Variants in NALF1 observed in about 807,000 individuals in gnomAD.
NALF1 encodes NALCN channel auxiliary factor 1.
In NALF1, 3 loss-of-function variants were observed where a neutral mutation model predicts 48.4. The observed-to-expected ratio is 0.06, with a 90% confidence interval of 0.03 to 0.16. The LOEUF (loss-of-function observed/expected upper bound fraction) is 0.16, where lower values mean the gene tolerates loss of function less well. NALF1 is among the 10% of genes least tolerant of loss of function. The probability of loss-of-function intolerance (pLI) is 1.00; values close to 1 mark genes in which losing one functional copy is unlikely to be tolerated. For synonymous variants in NALF1, 262 were observed against 245.7 expected, an observed-to-expected ratio of 1.07 and a Z score of -0.62; for missense variants, 526 against 571.5, an observed-to-expected ratio of 0.92 and a Z score of 0.81.
chr13:107,826,007 T>C (rs1879504898), intron 1 of NALF1, among the ~76,000 whole-genome samples: 1 of 152,172 alleles, frequency 6.6e-6, no homozygotes, highest in African/African-American at 2.4e-5. Flanking sequence ...CCTCAATCTC[T>C]TGACCTCGTG....
At chr13:107,756,435 C>CTATACATATATATATATATA (rs1555323653) in intron 1 of NALF1, among the ~76,000 whole-genome samples, 1 of 141,056 alleles carries the variant, frequency 7.1e-6, no homozygotes, top group African/African-American at 2.7e-5. Flanking sequence ...AGTTTAATGG[C>CTATACATATATATATATATA]TATATATATA....
chr13:107,775,556 T>A (rs12560693), intron 1 of NALF1, among the ~76,000 whole-genome samples: 11,605 of 151,108 alleles, frequency 0.077, 518 homozygotes, highest in East Asian at 0.16. Context: ...TTTATAGTCC[T>A]TTGGGTATAT....
intron 1 of NALF1, among the ~76,000 whole-genome samples, chr13:107,696,605 A>C (rs1345026936): frequency 6.6e-6 from 1 of 151,712 alleles, no homozygotes; most frequent in Non-Finnish European, 1.5e-5. Context: ...TCTTATATAC[A>C]TTTGTGTGTA....
chr13:107,778,084 T>G (rs1036216771), intron 1 of NALF1, among the ~76,000 whole-genome samples: 6 of 152,192 alleles, frequency 3.9e-5, no homozygotes, highest in Non-Finnish European at 8.8e-5. Context: ...CTCCAAATCC[T>G]GCGATGAGGG....
chr13:107,750,722 A>G (rs2138552364), intron 1 of NALF1, among the ~76,000 whole-genome samples: 1 of 152,332 alleles, frequency 6.6e-6, no homozygotes, highest in South Asian at 2.1e-4. Flanking sequence ...AAATGTCTTT[A>G]CACTAAAATC....
At chr13:107,781,768 C>T (rs1043750656) in intron 1 of NALF1, among the ~76,000 whole-genome samples, 1 of 151,982 alleles carries the variant, frequency 6.6e-6, no homozygotes, top group Non-Finnish European at 1.5e-5. Flanking sequence ...TATTCTTTGA[C>T]GTTAATTGTT....
chr13:107,560,290 A>G (rs915766398), intron 1 of NALF1, among the ~76,000 whole-genome samples: 2 of 152,168 alleles, frequency 1.3e-5, no homozygotes, highest in African/African-American at 2.4e-5. Flanking sequence ...GTCTTCTGCA[A>G]TGTAGACTGG....
At chr13:107,606,363 ATT>A (rs201158550) in intron 1 of NALF1, among the ~76,000 whole-genome samples, 1 of 145,408 alleles carries the variant, frequency 6.9e-6, no homozygotes, top group South Asian at 2.3e-4. Flanking sequence ...TATCTTATTT[ATT>A]TATATATATA....
intron 1 of NALF1, among the ~76,000 whole-genome samples, chr13:107,762,623 A>T (rs1342437806): frequency 6.6e-6 from 1 of 151,906 alleles, no homozygotes; most frequent in Non-Finnish European, 1.5e-5. Flanking sequence ...GGAGAGGAGG[A>T]GTCAGTTCAA....
chr13:107,578,622 T>C (rs960457658), intron 1 of NALF1, among the ~76,000 whole-genome samples: 1 of 152,242 alleles, frequency 6.6e-6, no homozygotes, highest in Non-Finnish European at 1.5e-5. Flanking sequence ...AAATCTTATA[T>C]ATTACCTATC....
intron 1 of NALF1, among the ~76,000 whole-genome samples, chr13:107,414,253 G>T (rs1471976131): frequency 1.3e-5 from 2 of 151,670 alleles, no homozygotes; most frequent in African/African-American, 2.4e-5. Flanking sequence ...GTTAAATATT[G>T]ATTCCACCTG....
chr13:107,492,452 C>T (rs1455177072), intron 1 of NALF1, among the ~76,000 whole-genome samples: 7 of 152,056 alleles, frequency 4.6e-5, no homozygotes, highest in Non-Finnish European at 2.9e-5. Flanking sequence ...CTTGTTGCCG[C>T]ACATATTCTT....
chr13:107,777,371 G>A (rs575864143), intron 1 of NALF1, among the ~76,000 whole-genome samples: 6 of 152,208 alleles, frequency 3.9e-5, no homozygotes, highest in Non-Finnish European at 5.9e-5. Context: ...ACCCATTGAC[G>A]TAATTTGGAT....
chr13:107,685,942 G>A (rs554367712), intron 1 of NALF1, among the ~76,000 whole-genome samples: 1 of 152,320 alleles, frequency 6.6e-6, no homozygotes, highest in South Asian at 2.1e-4. Context: ...TTTCTAGATA[G>A]GAGAAGGGCA....
intron 2 of NALF1, among the ~76,000 whole-genome samples, chr13:107,179,177 G>T (rs1036592832): frequency 1.3e-5 from 2 of 152,064 alleles, no homozygotes; most frequent in Admixed American, 1.3e-4. Context: ...GTACTATTCA[G>T]CCATAAAAAG....
At chr13:107,370,303 C>G (rs1167146938) in intron 1 of NALF1, among the ~76,000 whole-genome samples, 1 of 152,194 alleles carries the variant, frequency 6.6e-6, no homozygotes, top group Non-Finnish European at 1.5e-5. Flanking sequence ...TCCTTCCCGC[C>G]CCAAAACAGG....
intron 1 of NALF1, among the ~76,000 whole-genome samples, chr13:107,403,361 C>T (rs961304629): frequency 6.6e-6 from 1 of 151,600 alleles, no homozygotes; most frequent in Non-Finnish European, 1.5e-5. Context: ...AATGCATGTG[C>T]TTGCTCTGAC....
intron 1 of NALF1, among the ~76,000 whole-genome samples, chr13:107,768,493 T>C (rs1450021157): frequency 6.6e-6 from 1 of 152,238 alleles, no homozygotes; most frequent in African/African-American, 2.4e-5. Context: ...GAATGTGAAC[T>C]AAATCTTGAG....
At chr13:107,237,547 T>C (rs554472578) in intron 1 of NALF1, among the ~76,000 whole-genome samples, 31 of 152,332 alleles carry the variant, frequency 2.0e-4, no homozygotes, top group African/African-American at 7.0e-4. Context: ...TCTTTCTGTA[T>C]ACATTAAATC....
Sources: gnomAD v4.1 joint callset for allele counts (sites outside exome capture counted in the v4.1 genomes callset) on GRCh38, gnomAD v4.1.1 for gene constraint, MANE v1.5 for transcripts, NCBI Gene and HGNC (gene_info 2026-07-23, HGNC 2026-07-21) for gene names.